FBXL13: variants seen among roughly 807,000 people sequenced by gnomAD.
FBXL13 encodes F-box and leucine-rich repeat protein 13.
FBXL13 carries 67 observed loss-of-function variants against 83.6 expected under a neutral mutation model. The ratio of observed to expected loss-of-function variants is 0.80; its 90% CI spans 0.66 to 0.98. The LOEUF (loss-of-function observed/expected upper bound fraction) is 0.98. Among genes scored for constraint, FBXL13 ranks in the 50% least tolerant of loss-of-function variants. FBXL13 has a pLI of 0.00. For missense variants in FBXL13, 822 were observed against 866.5 expected (o/e 0.95, Z 0.64); for synonymous variants, 272 against 299.5 (o/e 0.91, Z 0.95).
intron 14 of FBXL13, among the ~76,000 whole-genome samples, chr7:102,880,627 T>C (rs1210594209): frequency 6.6e-6 from 1 of 152,238 alleles, no homozygotes; most frequent in Non-Finnish European, 1.5e-5. Flanking sequence ...GTATCTGAAT[T>C]ACCTGAAGGT....
intron 8 of FBXL13, among the ~76,000 whole-genome samples, chr7:102,954,774 A>G (rs1035243851): frequency 2.6e-5 from 4 of 152,190 alleles, no homozygotes; most frequent in Non-Finnish European, 5.9e-5. Context: ...TTAAACCAAC[A>G]AAGATCAAAA....
chr7:103,014,925 A>AG (rs1487039540), intron 6 of FBXL13, among the ~76,000 whole-genome samples: 1 of 144,250 alleles, frequency 6.9e-6, no homozygotes, highest in Non-Finnish European at 1.5e-5. Context: ...CCGTCTCAAA[A>AG]AAAAAAAAAA....
chr7:102,869,132 G>A (rs78534711), intron 16 of FBXL13, among the ~76,000 whole-genome samples: 1,667 of 152,206 alleles, frequency 0.011, 14 homozygotes, highest in South Asian at 0.042. Context: ...GCACATCCTC[G>A]CCTGCATTTG....
intron 6 of FBXL13, among the ~76,000 whole-genome samples, chr7:102,979,565 G>A (rs1827936012): frequency 6.6e-6 from 1 of 152,156 alleles, no homozygotes; most frequent in East Asian, 1.9e-4. Context: ...CATACTATAT[G>A]AGGGAATAAT....
At chr7:102,925,848 T>TGA (rs944799849) in intron 10 of FBXL13, among the ~76,000 whole-genome samples, 2 of 148,948 alleles carry the variant, frequency 1.3e-5, no homozygotes, top group African/African-American at 5.0e-5. Flanking sequence ...GGCTGACGCA[T>TGA]GAGAATCGCT....
intron 6 of FBXL13, chr7:102,973,902 T>C (rs1359312356): frequency 1.5e-6 from 1 of 671,366 alleles, no homozygotes. Flanking sequence ...CATCTGGTCT[T>C]AGGGGGACGC....
intron 2 of FBXL13, among the ~76,000 whole-genome samples, chr7:103,036,701 G>A (rs747603665): frequency 1.3e-5 from 2 of 152,044 alleles, no homozygotes; most frequent in African/African-American, 2.4e-5. Flanking sequence ...TAGTAGAAAT[G>A]GGGTTTCACC....
At chr7:102,989,481 C>T (rs1425244456) in intron 6 of FBXL13, among the ~76,000 whole-genome samples, 1 of 152,190 alleles carries the variant, frequency 6.6e-6, no homozygotes, top group Non-Finnish European at 1.5e-5. Flanking sequence ...TCTCTCTCTA[C>T]CCCTCATATC....
At chr7:102,862,632 A>G (rs1807035093) in intron 16 of FBXL13, among the ~76,000 whole-genome samples, 1 of 152,238 alleles carries the variant, frequency 6.6e-6, no homozygotes, top group South Asian at 2.1e-4. Flanking sequence ...GTACTCAGCT[A>G]TGAATGTTAA....
chr7:102,912,398 A>G (rs1005736649), intron 11 of FBXL13, among the ~76,000 whole-genome samples: 16 of 152,218 alleles, frequency 1.1e-4, no homozygotes, highest in African/African-American at 3.1e-4. Flanking sequence ...GCAGAAGAAA[A>G]TAAGTTAAAA....
intron 9 of FBXL13, among the ~76,000 whole-genome samples, chr7:102,927,861 A>G (rs1818430763): frequency 6.6e-6 from 1 of 152,264 alleles, no homozygotes; most frequent in Non-Finnish European, 1.5e-5. Flanking sequence ...CTGTATTTCA[A>G]CACAATGAAA....
At chr7:102,963,422 T>G in intron 8 of FBXL13, 111 bp downstream of exon 9, 1 of 1,299,484 alleles carries the variant, frequency 7.7e-7, no homozygotes, top group Non-Finnish European at 1.1e-6. Context: ...ATTGGTATCC[T>G]TATGACCTAA....
At chr7:102,926,967 G>A (rs184318365) in intron 9 of FBXL13, among the ~76,000 whole-genome samples, 1 of 152,268 alleles carries the variant, frequency 6.6e-6, no homozygotes, top group Admixed American at 6.5e-5. Context: ...CATACCAGTT[G>A]GGCAGGAGAT....
chr7:102,894,730 TAAA>T (rs1213476355), intron 11 of FBXL13, among the ~76,000 whole-genome samples: 3 of 134,610 alleles, frequency 2.2e-5, no homozygotes, highest in Non-Finnish European at 3.2e-5. Flanking sequence ...CTTTGTCTCT[TAAA>T]AAAAAAAAAA....
At chr7:102,885,100 A>G (rs1810622601) in intron 11 of FBXL13, among the ~76,000 whole-genome samples, 1 of 152,194 alleles carries the variant, frequency 6.6e-6, no homozygotes, top group Non-Finnish European at 1.5e-5. Context: ...ACGCATGTAC[A>G]TCTATTTGTT....
intron 16 of FBXL13, among the ~76,000 whole-genome samples, chr7:102,875,669 A>T (rs1397691046): frequency 6.6e-6 from 1 of 152,174 alleles, no homozygotes; most frequent in Admixed American, 6.5e-5. Flanking sequence ...GAGGAGATTT[A>T]ATTTTAATGG....
chr7:102,932,434 C>T (rs898964822), intron 8 of FBXL13, among the ~76,000 whole-genome samples: 7 of 147,648 alleles, frequency 4.7e-5, no homozygotes, highest in Admixed American at 2.7e-4. Flanking sequence ...ATCTATAGCC[C>T]TCAATCATCT....
chr7:102,973,801 G>GA (rs1827076159), intron 6 of FBXL13: 1 of 740,950 alleles, frequency 1.3e-6, no homozygotes, highest in East Asian at 2.5e-5. Context: ...GGTTAACAAG[G>GA]AAAAATCCAT....
chr7:103,027,892 A>T (rs1794116533), intron 4 of FBXL13, among the ~76,000 whole-genome samples: 1 of 152,204 alleles, frequency 6.6e-6, no homozygotes, highest in East Asian at 1.9e-4. Flanking sequence ...GTCATAAGGT[A>T]GCATTTAGAT....
Sources: gnomAD v4.1 joint callset for allele counts (sites outside exome capture counted in the v4.1 genomes callset) on GRCh38, gnomAD v4.1.1 for gene constraint, MANE v1.5 for transcripts, NCBI Gene and HGNC (gene_info 2026-07-23, HGNC 2026-07-21) for gene names.